The following KCNK10 variants were observed in gnomAD, a reference collection of about 807,000 sequenced individuals.
KCNK10 encodes potassium two pore domain channel subfamily K member 10.
A neutral mutation model predicts 47.7 loss-of-function variants in KCNK10; 25 were observed. The ratio of observed to expected loss-of-function variants is 0.52; its 90% confidence interval spans 0.38 to 0.73. The LOEUF is 0.73. Ranked by LOEUF, KCNK10 falls within the 30% of genes least tolerant of loss-of-function variation. The pLI, the probability that KCNK10 is intolerant of heterozygous loss-of-function variation, is 0.00. For synonymous variants in KCNK10, 303 were observed against 285.6 expected (o/e 1.06, Z -0.61); for missense variants, 563 against 714.5 (o/e 0.79, Z 2.42).
Position 88,180,905 on chromosome 14 carries a change from A to T in KCNK10, c.*4630T>A, listed in dbSNP as rs1192061740. 1.8e-5 allele frequency: 7 copies of T among 398,544 alleles called. No individual in the cohort carries two copies. Among genetic ancestry groups the T allele is most frequent in the Non-Finnish European group, 2.7e-5 (6 of 226,012 alleles). The allele number at this position is 398,544 out of a possible 1,614,324, so 24.7% of individuals were successfully genotyped here. A position where few individuals can be genotyped will look rare whatever the true frequency, so the allele number is the denominator to read the frequency against. Reference sequence around the variant, plus strand: ...GCATCCACAATGCCACACTAAAGTGATCTTTGTTTCAGAGAGTTACCCTTT... The same window carrying T: ...GCATCCACAATGCCACACTAAAGTGTTCTTTGTTTCAGAGAGTTACCCTTT... On this transcript the variant is annotated 3_prime_UTR_variant, in exon 7 of 7. Transcript: ENST00000319231.
intron 1 of KCNK10, among the ~76,000 whole-genome samples, chr14:88,309,563 C>A (rs1299601344): frequency 1.3e-5 from 2 of 152,208 alleles, no homozygotes; most frequent in Non-Finnish European, 2.9e-5. Flanking sequence ...GATTGCACCG[C>A]TGCACTCCAG....
chr14:88,289,022 A>T, intron 1 of KCNK10, among the ~76,000 whole-genome samples: 1 of 152,170 alleles, frequency 6.6e-6, no homozygotes, highest in East Asian at 1.9e-4. Flanking sequence ...TGTCTCCCTC[A>T]TTAGAATATA....
chr14:88,214,207 G>A (rs1885547954), intron 4 of KCNK10, among the ~76,000 whole-genome samples: 1 of 152,096 alleles, frequency 6.6e-6, no homozygotes. Context: ...CCAAAGTGCT[G>A]GGATTACAGG....
intron 1 of KCNK10, among the ~76,000 whole-genome samples, chr14:88,293,325 C>T (rs1223697525): frequency 2.0e-5 from 3 of 152,200 alleles, no homozygotes; most frequent in South Asian, 2.1e-4. Flanking sequence ...GACATTCCCA[C>T]TCAGATATTA....
chr14:88,241,941 T>C (rs1187553255), intron 2 of KCNK10, among the ~76,000 whole-genome samples: 2 of 152,152 alleles, frequency 1.3e-5, no homozygotes, highest in Non-Finnish European at 2.9e-5. Flanking sequence ...GGGAAAAAGG[T>C]AGGACGTGCT....
At chr14:88,238,669 G>A (rs1161294673) in intron 3 of KCNK10, among the ~76,000 whole-genome samples, 1 of 152,122 alleles carries the variant, frequency 6.6e-6, no homozygotes, top group African/African-American at 2.4e-5. Context: ...GAGAGATCCT[G>A]TCTCAAAAAA....
chr14:88,281,853 T>TGTGC (rs1393936798), intron 1 of KCNK10, among the ~76,000 whole-genome samples: 3 of 151,688 alleles, frequency 2.0e-5, no homozygotes, highest in Non-Finnish European at 4.4e-5. Flanking sequence ...TGTGTGTGTG[T>TGTGC]GTTTGTATCC....
At chr14:88,187,431 G>A (rs934291965) in intron 6 of KCNK10, among the ~76,000 whole-genome samples, 2 of 151,674 alleles carry the variant, frequency 1.3e-5, no homozygotes, top group Non-Finnish European at 2.9e-5. Context: ...TTACATGCAC[G>A]GCCCTTCCTC....
intron 1 of KCNK10, among the ~76,000 whole-genome samples, chr14:88,292,462 G>A (rs1297967472): frequency 2.0e-5 from 3 of 151,980 alleles, no homozygotes; most frequent in Non-Finnish European, 4.4e-5. Context: ...CGATTCTCCT[G>A]CCTCAGCATC....
chr14:88,264,621 G>C (rs1447986939), intron 1 of KCNK10, among the ~76,000 whole-genome samples: 1 of 152,196 alleles, frequency 6.6e-6, no homozygotes, highest in Non-Finnish European at 1.5e-5. Context: ...AAGAATCTAA[G>C]TTTGTAAACA....
intron 1 of KCNK10, among the ~76,000 whole-genome samples, chr14:88,316,684 T>C (rs1595135547): frequency 6.6e-6 from 1 of 152,300 alleles, no homozygotes; most frequent in East Asian, 1.9e-4. Flanking sequence ...TGAAAAAGAT[T>C]GTCATTTTTA....
intron 2 of KCNK10, among the ~76,000 whole-genome samples, chr14:88,252,197 G>A (rs376153593): frequency 3.7e-4 from 57 of 152,096 alleles, no homozygotes; most frequent in Admixed American, 6.5e-4. Context: ...TTATAGACAT[G>A]AGCCACCACG....
intron 4 of KCNK10, among the ~76,000 whole-genome samples, chr14:88,214,164 C>T (rs1048257108): frequency 6.6e-6 from 1 of 152,022 alleles, no homozygotes; most frequent in African/African-American, 2.4e-5. Flanking sequence ...GTCTTGAACT[C>T]CTGACCTCAG....
At position 88,267,214 on chromosome 14, in the gene KCNK10, T is replaced by C. The variant is rs1370935478; in HGVS notation, c.53-3663A>G. ...CTACTGGCTGGAGTATATTTGTAGTTGTCAGGAGTACCGGCACAGATCTCA... is the reference window on the plus strand; with the variant it reads ...CTACTGGCTGGAGTATATTTGTAGTCGTCAGGAGTACCGGCACAGATCTCA... On this transcript the variant is annotated intron_variant, in intron 1 of 6. Transcript: ENST00000319231. 3.3e-5 allele frequency among the ~76,000 whole-genome samples: 5 copies of C among 152,316 alleles called. No individual in the cohort carries two copies. In the East Asian group the frequency reaches 9.6e-4, roughly 29 times the overall value.
intron 2 of KCNK10, among the ~76,000 whole-genome samples, chr14:88,245,083 G>A (rs571645720): frequency 2.0e-5 from 3 of 152,252 alleles, no homozygotes; most frequent in East Asian, 1.9e-4. Flanking sequence ...TAAATGGCAC[G>A]GGAGTGAATG....
chr14:88,297,334 A>T (rs1888006505), intron 1 of KCNK10, among the ~76,000 whole-genome samples: 4 of 152,240 alleles, frequency 2.6e-5, no homozygotes, highest in Admixed American at 1.3e-4. Context: ...ATTTGTTGCC[A>T]CTAGGTTGGA....
chr14:88,229,740 T>C (rs1260155570), intron 3 of KCNK10, among the ~76,000 whole-genome samples: 1 of 152,174 alleles, frequency 6.6e-6, no homozygotes, highest in Non-Finnish European at 1.5e-5. Flanking sequence ...TTTGGTGAAC[T>C]ATAAGGAGAG....
At chr14:88,223,491 G>A (rs1885886072) in intron 4 of KCNK10, among the ~76,000 whole-genome samples, 1 of 152,068 alleles carries the variant, frequency 6.6e-6, no homozygotes, top group African/African-American at 2.4e-5. Flanking sequence ...GCACCTCAGA[G>A]GAATGAGAGG....
chr14:88,272,188 T>C (rs1481809698), intron 1 of KCNK10, among the ~76,000 whole-genome samples: 2 of 152,146 alleles, frequency 1.3e-5, no homozygotes, highest in African/African-American at 4.8e-5. Flanking sequence ...AGATTTAACA[T>C]AAAATGTACG....
Sources: gnomAD v4.1 joint callset for allele counts (sites outside exome capture counted in the v4.1 genomes callset) on GRCh38, gnomAD v4.1.1 for gene constraint, MANE v1.5 for transcripts, NCBI Gene and HGNC (gene_info 2026-07-23, HGNC 2026-07-21) for gene names.